The following KIAA1958 variants were observed in gnomAD, a reference collection of about 807,000 sequenced individuals.
KIAA1958 encodes the protein uncharacterized protein KIAA1958.
KIAA1958 carries 14 observed loss-of-function variants against 47.2 expected under a neutral mutation model. The ratio of observed to expected loss-of-function variants is 0.30; its 90% CI spans 0.20 to 0.46. The LOEUF is 0.46. KIAA1958 is among the 20% of genes least tolerant of loss of function. The probability of loss-of-function intolerance (pLI) is 1.00; values close to 1 mark genes in which losing one functional copy is unlikely to be tolerated. For missense variants in KIAA1958, 803 were observed against 909.2 expected, an observed-to-expected ratio of 0.88 and a Z score of 1.50; for synonymous variants, 354 against 353.3, an observed-to-expected ratio of 1.00 and a Z score of -0.02.
chr9:112,546,386 CT>C (rs1460791985), intron 1 of KIAA1958, among the ~76,000 whole-genome samples: 2 of 152,138 alleles, frequency 1.3e-5, no homozygotes, highest in Non-Finnish European at 2.9e-5. Context: ...TAATTCACCC[CT>C]TGTTTAGCAT....
At chr9:112,552,249 T>G (rs985150830) in intron 1 of KIAA1958, among the ~76,000 whole-genome samples, 1 of 152,236 alleles carries the variant, frequency 6.6e-6, no homozygotes, top group Admixed American at 6.5e-5. Context: ...GAGTAAATGT[T>G]CCTCACAGAA....
intron 2 of KIAA1958, among the ~76,000 whole-genome samples, chr9:112,614,061 G>A (rs1297180530): frequency 6.6e-6 from 1 of 152,148 alleles, no homozygotes; most frequent in Non-Finnish European, 1.5e-5. Flanking sequence ...TTCACACAAT[G>A]GAATGTTGTG....
intron 2 of KIAA1958, among the ~76,000 whole-genome samples, chr9:112,639,088 G>A (rs11788361): frequency 0.068 from 10,357 of 152,202 alleles, 441 homozygotes; most frequent in Non-Finnish European, 0.095. Flanking sequence ...ACATTTTCCT[G>A]CATAACCATA....
intron 1 of KIAA1958, among the ~76,000 whole-genome samples, chr9:112,532,714 G>C (rs1834771748): frequency 6.6e-6 from 1 of 152,192 alleles, no homozygotes; most frequent in Non-Finnish European, 1.5e-5. Flanking sequence ...CCTCCAGTTT[G>C]TTAGTGTACT....
intron 2 of KIAA1958, among the ~76,000 whole-genome samples, chr9:112,612,537 A>C (rs1836343823): frequency 6.6e-6 from 1 of 152,110 alleles, no homozygotes; most frequent in South Asian, 2.1e-4. Context: ...AAAATGAGAA[A>C]ATACAGATAA....
chr9:112,522,629 T>C (rs2132797861), intron 1 of KIAA1958, among the ~76,000 whole-genome samples: 1 of 152,348 alleles, frequency 6.6e-6, no homozygotes, highest in South Asian at 2.1e-4. Context: ...TGCTTTGACC[T>C]TGGGTCCTGA....
chr9:112,606,263 T>C (rs538584261), intron 2 of KIAA1958, among the ~76,000 whole-genome samples: 1 of 152,302 alleles, frequency 6.6e-6, no homozygotes, highest in East Asian at 1.9e-4. Flanking sequence ...TGGGTACAGA[T>C]GTTGATTAGG....
intron 2 of KIAA1958, among the ~76,000 whole-genome samples, chr9:112,603,974 GTCT>G (rs1836180548): frequency 6.6e-6 from 1 of 152,130 alleles, no homozygotes; most frequent in Non-Finnish European, 1.5e-5. Flanking sequence ...AGACAAAATA[GTCT>G]TCTCTTAAAT....
intron 2 of KIAA1958, among the ~76,000 whole-genome samples, chr9:112,642,853 C>T (rs1836916027): frequency 6.6e-6 from 1 of 152,126 alleles, no homozygotes; most frequent in Admixed American, 6.5e-5. Context: ...CATGAACGAA[C>T]CATATATGTC....
chr9:112,497,614 C>G (rs1443984431), intron 1 of KIAA1958, among the ~76,000 whole-genome samples: 1 of 152,104 alleles, frequency 6.6e-6, no homozygotes, highest in Non-Finnish European at 1.5e-5. Context: ...ATCCACCACT[C>G]TTATTCAGAT....
intron 1 of KIAA1958, among the ~76,000 whole-genome samples, chr9:112,555,802 C>T (rs1319887313): frequency 1.3e-5 from 2 of 152,310 alleles, no homozygotes; most frequent in Admixed American, 6.5e-5. Flanking sequence ...TGACCCGGTG[C>T]GGTGGCTCAC....
rs569045682 is a variant in KIAA1958 at position 112,664,603 on chromosome 9, G to A, written c.*4534G>A. 37 of 152,284 alleles carry A rather than the reference G, an allele frequency of 2.4e-4. No individual in the cohort carries two copies. The highest frequency in any genetic ancestry group is 8.4e-4 in the African/African-American group (35 of 41,574). 9.4% of individuals were successfully genotyped at this position (152,284 alleles called of 1,614,324 possible). A position where few individuals can be genotyped will look rare whatever the true frequency, so the allele number is the denominator to read the frequency against. On this transcript the variant is annotated 3_prime_UTR_variant, in exon 4 of 4. Transcript: ENST00000337530. ...ATGTTTCAAACTTGTATATATTTTT[G>A]AATGCTTTTGTTTTTGGAGTGAATT...
intron 1 of KIAA1958, among the ~76,000 whole-genome samples, chr9:112,562,563 C>G (rs1368996574): frequency 1.3e-5 from 2 of 152,154 alleles, no homozygotes; most frequent in African/African-American, 4.8e-5. Flanking sequence ...CTAATGTGAT[C>G]CTCACCTATT....
intron 1 of KIAA1958, among the ~76,000 whole-genome samples, chr9:112,510,322 T>C (rs1392462148): frequency 6.6e-6 from 1 of 152,216 alleles, no homozygotes; most frequent in African/African-American, 2.4e-5. Flanking sequence ...CACAGCACCC[T>C]GCATATAGTC....
chr9:112,534,539 TTTC>T (rs1206797490), intron 1 of KIAA1958, among the ~76,000 whole-genome samples: 1 of 152,126 alleles, frequency 6.6e-6, no homozygotes, highest in East Asian at 1.9e-4. Context: ...TATTCATCTT[TTTC>T]TTTTTTCTTT....
Position 112,574,047 on chromosome 9 carries a change from T to C in KIAA1958, c.-24-10T>C. On this transcript the variant is annotated splice_polypyrimidine_tract_variant and intron_variant, in intron 1 of 3. Coordinates refer to ENST00000337530, the MANE Select transcript of KIAA1958 (RefSeq NM_133465.4). ...AATAATGGCTTCTTCTTTTGATTATTTCCCTTTAGGAGTGACACTGCTGAT... is the reference window on the plus strand; with the variant it reads ...AATAATGGCTTCTTCTTTTGATTATCTCCCTTTAGGAGTGACACTGCTGAT... 8 of 1,368,906 alleles carry C rather than the reference T, an allele frequency of 5.8e-6. No homozygotes were observed. Among genetic ancestry groups the C allele is most frequent in the African/African-American group, 1.5e-5 (1 of 68,782 alleles). The allele number at this position is 1,368,906 out of a possible 1,614,324, so 84.8% of individuals were successfully genotyped here. A position where few individuals can be genotyped will look rare whatever the true frequency, so the allele number is the denominator to read the frequency against.
At chr9:112,637,744 T>A (rs1346309461) in intron 2 of KIAA1958, among the ~76,000 whole-genome samples, 1 of 152,248 alleles carries the variant, frequency 6.6e-6, no homozygotes, top group Non-Finnish European at 1.5e-5. Flanking sequence ...TCTTTTAGCA[T>A]ACTAAAGATA....
intron 2 of KIAA1958, among the ~76,000 whole-genome samples, chr9:112,636,473 A>G (rs1836806267): frequency 6.6e-6 from 1 of 152,106 alleles, no homozygotes; most frequent in Non-Finnish European, 1.5e-5. Context: ...GTGGGAAAAG[A>G]TGGGTTAAAA....
intron 1 of KIAA1958, among the ~76,000 whole-genome samples, chr9:112,553,501 T>C (rs189535396): frequency 5.9e-5 from 9 of 152,206 alleles, no homozygotes; most frequent in Admixed American, 5.9e-4. Flanking sequence ...CTTTTTGACA[T>C]TGGACACATT....
Sources: allele counts gnomAD v4.1 joint callset (sites outside exome capture counted in the v4.1 genomes callset), GRCh38; gene constraint gnomAD v4.1.1; transcripts MANE v1.5; gene names NCBI Gene and HGNC (gene_info 2026-07-23, HGNC 2026-07-21).